The following BCR variants were observed in gnomAD, a reference collection of about 807,000 sequenced individuals.
BCR encodes the protein BCR activator of RhoGEF and GTPase, also known as breakpoint cluster region protein.
Under a neutral mutation model 138.6 loss-of-function variants are expected in BCR, and 58 were observed. The ratio of observed to expected loss-of-function variants is 0.42; its 90% CI spans 0.34 to 0.52. The LOEUF (loss-of-function observed/expected upper bound fraction) is 0.52, where lower values mean the gene tolerates loss of function less well. Among genes scored for constraint, BCR ranks in the 20% least tolerant of loss-of-function variants. The pLI is 0.06. For missense variants in BCR, 1,599 were observed against 1,727.2 expected, an observed-to-expected ratio of 0.93 and a Z score of 1.32; for synonymous variants, 786 against 730.1, an observed-to-expected ratio of 1.08 and a Z score of -1.23.
chr22:23,246,767 T>G (rs560272103), intron 1 of BCR, among the ~76,000 whole-genome samples: 3 of 151,858 alleles, frequency 2.0e-5, no homozygotes, highest in South Asian at 2.1e-4. Flanking sequence ...GGGTGGTGGG[T>G]TTTTTTTGCC....
At chr22:23,217,216 G>GT (rs2072764894) in intron 1 of BCR, among the ~76,000 whole-genome samples, 1 of 152,202 alleles carries the variant, frequency 6.6e-6, no homozygotes, top group African/African-American at 2.4e-5. Flanking sequence ...CTGTTGCCAT[G>GT]TTATATAGTA....
chr22:23,292,965 G>A (rs970936312), intron 15 of BCR, among the ~76,000 whole-genome samples: 3 of 152,126 alleles, frequency 2.0e-5, no homozygotes, highest in Admixed American at 6.5e-5. Context: ...TTTTTCCGCA[G>A]AAGTTGGAAT....
intron 10 of BCR, among the ~76,000 whole-genome samples, chr22:23,285,792 T>C (rs1386400111): frequency 1.6e-4 from 24 of 152,206 alleles, no homozygotes; most frequent in Non-Finnish European, 1.5e-5. Flanking sequence ...TGTCCCTGGG[T>C]CATGCAAGGC....
At chr22:23,254,567 A>G in intron 2 of BCR, 1 of 507,270 alleles carries the variant, frequency 2.0e-6, no homozygotes. Flanking sequence ...CAGTGGACCC[A>G]CGCCCCCCCT....
intron 1 of BCR, among the ~76,000 whole-genome samples, chr22:23,209,453 G>A (rs1023606115): frequency 5.3e-5 from 8 of 152,166 alleles, no homozygotes; most frequent in African/African-American, 1.9e-4. Context: ...GTAGACACTT[G>A]GGTTGCCTCC....
rs867957216 is a variant in BCR, at chr22:23,180,848, C to A, written c.-113C>A. 7.0e-4 allele frequency: 301 copies of A among 431,298 alleles called. 4 individuals are homozygous for A. The African/African-American group carries it at 0.032, about 46-fold the overall frequency. 26.7% of individuals were successfully genotyped at this position (431,298 alleles called of 1,614,324 possible). Reference sequence around the variant, plus strand: ...GGGCATTGTTCGCCGCCGCCGCCGCCGCGCGGGCCATGGGGGCCGCCCGGC... The same window carrying A: ...GGGCATTGTTCGCCGCCGCCGCCGCAGCGCGGGCCATGGGGGCCGCCCGGC... On this transcript the variant is annotated 5_prime_UTR_variant, in exon 1 of 23. Coordinates refer to ENST00000305877, the MANE Select transcript of BCR (RefSeq NM_004327.4).
intron 1 of BCR, among the ~76,000 whole-genome samples, chr22:23,217,852 G>A (rs2072774633): frequency 6.6e-6 from 1 of 152,228 alleles, no homozygotes; most frequent in African/African-American, 2.4e-5. Context: ...GGGGATCCCG[G>A]GTAGGCGGTG....
chr22:23,254,508 G>A (rs760624781), intron 2 of BCR: 48 of 519,078 alleles, frequency 9.2e-5, no homozygotes, highest in African/African-American at 8.1e-4. Context: ...CTCATGGCTA[G>A]TGAGTAGCGG....
At chr22:23,185,676 C>CA (rs1372167561) in intron 1 of BCR, among the ~76,000 whole-genome samples, 1 of 149,646 alleles carries the variant, frequency 6.7e-6, no homozygotes, top group Non-Finnish European at 1.5e-5. Context: ...AAAAAACAAA[C>CA]AAAAAACTAT....
At chr22:23,201,546 C>T (rs2072553722) in intron 1 of BCR, among the ~76,000 whole-genome samples, 1 of 152,198 alleles carries the variant, frequency 6.6e-6, no homozygotes, top group Non-Finnish European at 1.5e-5. Flanking sequence ...CAAGCTCCGC[C>T]TCCTGGGTTC....
At chr22:23,210,430 A>G (rs2072668215) in intron 1 of BCR, among the ~76,000 whole-genome samples, 1 of 152,044 alleles carries the variant, frequency 6.6e-6, no homozygotes, top group South Asian at 2.1e-4. Context: ...AAGAAAAAAA[A>G]AAAAAAAATT....
chr22:23,284,983 C>T, intron 9 of BCR, 50 bp from the exon 10 acceptor site: 14 of 1,579,742 alleles, frequency 8.9e-6, no homozygotes, highest in Non-Finnish European at 1.2e-5. Flanking sequence ...GTGACATCAG[C>T]CATAGAAGGC....
rs2073261690 is a variant in BCR, at chr22:23,253,851, G to A, written c.1332G>A (p.Glu444=). The change falls in exon 2 of 23, where the codon GAG becomes GAA. Residue 444 remains glutamate, a synonymous_variant. Coordinates refer to ENST00000305877, the MANE Select transcript of BCR (RefSeq NM_004327.4). ...ACGGCTGCGCTGCAGACCGGGCAGA[G>A]GAGCAGCGCCGGCACCAAGATGGGC... The part of the protein sequence containing the change: ...PGYGCAADRA[E]EQRRHQDGLP... The A allele has an allele frequency of 6.2e-7, 1 of 1,613,076 alleles. No homozygotes were observed. The highest frequency in any genetic ancestry group is 8.5e-7 in the Non-Finnish European group (1 of 1,180,012).
In BCR at chr22:23,313,975, A is replaced by C. The variant is rs2074036942; in HGVS notation, c.3465A>C (p.Ser1155=). 1 of 1,613,698 alleles carries C rather than the reference A, an allele frequency of 6.2e-7. No homozygotes were observed. The highest frequency in any genetic ancestry group is 1.7e-5 in the Admixed American group (1 of 59,982). ...ACCCACCGCCTTCTGCAGCTCTTTC[A>C]GACCCGGTTGCAAAGGAGAGCTGCA... is the stretch of plus-strand genomic sequence containing the variant. ...YPNFAEGIAL[S]DPVAKESCML... is the part of the protein sequence containing the mutation. Residue 1155 remains serine, a synonymous_variant, in exon 21 of 23, where the codon TCA becomes TCC. Transcript: ENST00000305877.
intron 4 of BCR, 64 bp from the exon 5 acceptor site, chr22:23,268,344 G>A (rs921551024): frequency 1.2e-5 from 17 of 1,367,332 alleles, no homozygotes; most frequent in Non-Finnish European, 1.7e-5. Flanking sequence ...ACGGGAGCCT[G>A]CTCTTCAGAA....
In BCR at chr22:23,311,634, G is replaced by A; in HGVS notation, c.3183-63G>A. ...CTCCGGGTGTGCAGATATGGAGCAG[G>A]TCTCCTGTGTTATGGCCCAAGCAGG... On this transcript the variant is annotated intron_variant, in intron 18 of 22. Transcript: ENST00000305877. 2.8e-6 allele frequency: 4 copies of A among 1,428,046 alleles called. No individual in the cohort carries two copies. The South Asian group carries it at 3.6e-5, about 13-fold the overall frequency. The allele number at this position is 1,428,046 out of a possible 1,614,324, so 88.5% of individuals were successfully genotyped here. A position where few individuals can be genotyped will look rare whatever the true frequency, so the allele number is the denominator to read the frequency against.
intron 1 of BCR, among the ~76,000 whole-genome samples, chr22:23,209,085 C>T (rs552291921): frequency 1.3e-5 from 2 of 152,180 alleles, no homozygotes; most frequent in South Asian, 4.1e-4. Flanking sequence ...TTTAGCCGGG[C>T]GCGGTGGCTC....
chr22:23,288,154 C>G lies in BCR; in HGVS notation c.2584C>G (p.Arg862Gly), dbSNP rs763487854. The G allele has an allele frequency of 6.2e-7, 1 of 1,614,024 alleles. No homozygotes were observed. Among genetic ancestry groups the G allele is most frequent in the South Asian group, 1.1e-5 (1 of 91,080 alleles). Residue 862 changes from arginine to glycine, a missense_variant, in exon 12 of 23, where the codon CGG becomes GGG. By Grantham distance (125) the Arg-to-Gly change is moderately radical. Coordinates refer to ENST00000305877, the MANE Select transcript of BCR (RefSeq NM_004327.4). ...YERAEWRENI[R>G]EQQKKCFRSF... ...GCGTGCAGAGTGGAGGGAGAACATCCGGGAGCAGCAGAAGAAGTGTGAGTA... is the reference window on the plus strand; with the variant it reads ...GCGTGCAGAGTGGAGGGAGAACATCGGGGAGCAGCAGAAGAAGTGTGAGTA...
At chr22:23,297,690 A>G (rs993644631) in intron 16 of BCR, among the ~76,000 whole-genome samples, 16 of 152,112 alleles carry the variant, frequency 1.1e-4, no homozygotes, top group African/African-American at 3.9e-4. Flanking sequence ...TCATCAAACC[A>G]GGTAAAGGGA....
Sources: gnomAD v4.1 joint callset for allele counts (sites outside exome capture counted in the v4.1 genomes callset) on GRCh38, gnomAD v4.1.1 for gene constraint, MANE v1.5 for transcripts, NCBI Gene and HGNC (gene_info 2026-07-23, HGNC 2026-07-21) for gene names.